Variants in CCDC24 observed in about 807,000 individuals in gnomAD.
CCDC24 encodes the protein coiled-coil domain containing 24, also known as coiled-coil domain-containing protein 24.
In CCDC24, 34 loss-of-function variants were observed where a neutral mutation model predicts 31.6. That is an observed-to-expected ratio of 1.08 (90% CI 0.82 to 1.43). The LOEUF (loss-of-function observed/expected upper bound fraction) is 1.43, where lower values mean the gene tolerates loss of function less well. Ranked by LOEUF, CCDC24 falls within the 40% of genes most tolerant of loss-of-function variation. The probability of loss-of-function intolerance (pLI) is 0.00; values close to 1 mark genes in which losing one functional copy is unlikely to be tolerated. For missense variants in CCDC24, 426 were observed against 391.1 expected, an observed-to-expected ratio of 1.09 and a Z score of -0.75; for synonymous variants, 175 against 157.3, an observed-to-expected ratio of 1.11 and a Z score of -0.84.
At chr1:43,994,985 G>C (rs2085808769) in intron 5 of CCDC24, 123 bp from the exon 6 acceptor site, 2 of 819,064 alleles carry the variant, frequency 2.4e-6, no homozygotes, top group Non-Finnish European at 4.0e-6. Flanking sequence ...AGGGCAGTGT[G>C]GGCTGAGGAA....
Position 43,996,027 on chromosome 1 carries a change from C to G in CCDC24, c.791C>G (p.Pro264Arg). 2 of 1,614,192 alleles carry G rather than the reference C, an allele frequency of 1.2e-6. No homozygotes were observed. Among genetic ancestry groups the G allele is most frequent in the Non-Finnish European group, 1.7e-6 (2 of 1,180,040 alleles). ...VAPLQCCLPAPPLEPYLRPRG... is the reference protein window; with the variant it reads ...VAPLQCCLPARPLEPYLRPRG... ...CCTCTCCAGTGCTGCCTGCCTGCAC[C>G]TCCTCTGGAGCCCTACCTTCGACCT... is the stretch of plus-strand genomic sequence containing the variant. The change falls in exon 9 of 9, where the codon CCT becomes CGT. Residue 264 changes from proline (P) to arginine (R), a missense_variant. Transcript: ENST00000372318.
intron 5 of CCDC24, chr1:43,994,753 A>G (rs2085801714): frequency 3.4e-6 from 1 of 290,220 alleles, no homozygotes; most frequent in Admixed American, 4.6e-5. Context: ...CCCTGTTTCA[A>G]AAATAAATAC....
chr1:43,992,655 G>T lies in CCDC24; in HGVS notation c.419+16G>T. On this transcript the variant is annotated intron_variant, in intron 4 of 8. Transcript: ENST00000372318. Reference sequence around the variant, plus strand: ...GTGGGCCCAGGTAAGGTGATGGTAGGAGAGAGGGATCTGTCCCTGCTTGGC... The same window carrying T: ...GTGGGCCCAGGTAAGGTGATGGTAGTAGAGAGGGATCTGTCCCTGCTTGGC... 1 of 1,611,578 alleles carries T rather than the reference G, an allele frequency of 6.2e-7. No homozygotes were observed. Among genetic ancestry groups the T allele is most frequent in the South Asian group, 1.1e-5 (1 of 91,002 alleles).
At position 43,994,079 on chromosome 1, in the gene CCDC24, G is replaced by A. The variant is rs1374852824; in HGVS notation, c.497+115G>A. ...TAGTATACTTGGCGGGGAGGCCCATGTGCGTAAGGCTGAGAGGTGGAAAGA... is the reference window on the plus strand; with the variant it reads ...TAGTATACTTGGCGGGGAGGCCCATATGCGTAAGGCTGAGAGGTGGAAAGA... On this transcript the variant is annotated intron_variant, in intron 5 of 8. Transcript: ENST00000372318. 4 of 917,852 alleles carry A rather than the reference G, an allele frequency of 4.4e-6. No individual in the cohort carries two copies. In the East Asian group the frequency reaches 7.8e-5, roughly 18 times the overall value. The allele number at this position is 917,852 out of a possible 1,614,324, so 56.9% of individuals were successfully genotyped here.
chr1:43,994,041 G>A lies in CCDC24; in HGVS notation c.497+77G>A, dbSNP rs375543310. 9 of 1,308,102 alleles carry A rather than the reference G, an allele frequency of 6.9e-6. No individual in the cohort carries two copies. In the East Asian group the frequency reaches 1.6e-4, roughly 24 times the overall value. The allele number at this position is 1,308,102 out of a possible 1,614,324, so 81.0% of individuals were successfully genotyped here. On this transcript the variant is annotated intron_variant, in intron 5 of 8. Transcript: ENST00000372318. ...GGATCTTGAGGTGCTGGGATTGTGA[G>A]ACAGGAGGTGGGTAGTATACTTGGC... is the stretch of plus-strand genomic sequence containing the variant.
At chr1:43,994,442 C>CTTTCT (rs560870706) in intron 5 of CCDC24, 1,883 of 143,006 alleles carry the variant, frequency 0.013, 27 homozygotes, top group African/African-American at 0.037. Flanking sequence ...TTCTTTCTTT[C>CTTTCT]TTTTTTTTTT....
rs1571814925 is a variant in CCDC24 at position 43,991,607 on chromosome 1, G to C, written c.-172G>C. 1.9e-5 allele frequency: 13 copies of C among 701,972 alleles called. No individual in the cohort carries two copies. The East Asian group carries it at 3.5e-4, about 19-fold the overall frequency. The allele number at this position is 701,972 out of a possible 1,614,324, so 43.5% of individuals were successfully genotyped here. ...GGTGATGGCCACGCGGAAGAGGTGG[G>C]GCTAGGGCCCTGGTTCCCACTGCCT... On this transcript the variant is annotated 5_prime_UTR_variant, in exon 1 of 9. Coordinates refer to ENST00000372318, the MANE Select transcript of CCDC24 (RefSeq NM_152499.4).
chr1:43,992,960 TC>T (rs1025250964), intron 4 of CCDC24, among the ~76,000 whole-genome samples: 11 of 152,314 alleles, frequency 7.2e-5, no homozygotes, highest in Admixed American at 6.5e-4. Flanking sequence ...AGGCGGTTGT[TC>T]CTCTGGCCTA....
In CCDC24 at chr1:43,992,265, C is replaced by T; in HGVS notation, c.180C>T (p.Ser60=). 1 of 1,614,154 alleles carries T rather than the reference C, an allele frequency of 6.2e-7. No homozygotes were observed. Among genetic ancestry groups the T allele is most frequent in the Middle Eastern group, 1.6e-4 (1 of 6,062 alleles). Residue 60 remains serine (S), a synonymous_variant, in exon 3 of 9, where the codon AGC becomes AGT. Transcript: ENST00000372318. Reference sequence around the variant, plus strand: ...AGGCTCGATCCTCTCAAGCCCCCAGCTCCCGCCCCATCTCTGACCCCTCTT... The same window carrying T: ...AGGCTCGATCCTCTCAAGCCCCCAGTTCCCGCCCCATCTCTGACCCCTCTT... ...LQEARSSQAP[S]SRPISDPSSL...
chr1:43,992,461 T>A, intron 3 of CCDC24, 62 bp from the exon 4 acceptor site: 2 of 1,612,764 alleles, frequency 1.2e-6, no homozygotes, highest in South Asian at 2.2e-5. Context: ...GGAGCCAGGG[T>A]TGCCTTTTCT....
intron 1 of CCDC24, 39 bp from the exon 2 acceptor site, chr1:43,991,808 G>T: frequency 6.5e-7 from 1 of 1,535,192 alleles, no homozygotes; most frequent in African/African-American, 1.4e-5. Context: ...TTGCCGGCGG[G>T]CCCGCGGTAC....
chr1:43,992,047 G>T, intron 2 of CCDC24, 43 bp downstream of exon 2: 1 of 1,434,596 alleles, frequency 7.0e-7, no homozygotes, highest in South Asian at 1.4e-5. Flanking sequence ...CCTGCCCCAC[G>T]ACTCGGGTGA....
Position 43,995,606 on chromosome 1 carries a change from C to A in CCDC24, c.558C>A (p.Cys186Ter). The change falls in exon 7 of 9, where the codon TGC (cysteine) becomes TGA (stop). Residue 186 changes from cysteine to a stop codon, truncating the protein, a stop_gained. Transcript: ENST00000372318. LOFTEE classifies it high-confidence loss of function. This position sits in a 1 kb window ranked among gnomAD's most constrained non-coding sequence, Gnocchi z 4.3. Reference sequence around the variant, plus strand: ...TGACGCAGCTCTCCCTGCAGCGCTGCCTGGAAGAGGAGTATTTGAGGCCTT... The same window carrying A: ...TGACGCAGCTCTCCCTGCAGCGCTGACTGGAAGAGGAGTATTTGAGGCCTT... ...LEREILILQR[C>*]LEEEYLRPCH... 6.2e-7 allele frequency: 1 copy of A among 1,608,768 alleles called. No homozygotes were observed.
At position 43,995,728 on chromosome 1, in the gene CCDC24, T is replaced by C. The variant is rs748952462; in HGVS notation, c.623-50T>C. 1.9e-6 allele frequency: 3 copies of C among 1,613,408 alleles called. No homozygotes were observed. Among genetic ancestry groups the C allele is most frequent in the Non-Finnish European group, 2.5e-6 (3 of 1,179,466 alleles). ...GCCTCCTGCTCCCACCCCACACTTG[T>C]ACACACCCTAGAAGAGCTGGGCACT... On this transcript the variant is annotated intron_variant, in intron 7 of 8. Coordinates refer to ENST00000372318, the MANE Select transcript of CCDC24 (RefSeq NM_152499.4). This position sits in a 1 kb window ranked among gnomAD's most constrained non-coding sequence, Gnocchi z 4.3.
Position 43,993,885 on chromosome 1 carries a change from A to T in CCDC24, c.420-2A>T, listed in dbSNP as rs898805321. 2 of 1,614,162 alleles carry T rather than the reference A, an allele frequency of 1.2e-6. No individual in the cohort carries two copies. Among genetic ancestry groups the T allele is most frequent in the Non-Finnish European group, 1.7e-6 (2 of 1,180,006 alleles). ...GGAGAGTGATAGTGACTTCATTGCCAGCAGCGGTCACAGAGATCTCAGCAT... is the reference window on the plus strand; with the variant it reads ...GGAGAGTGATAGTGACTTCATTGCCTGCAGCGGTCACAGAGATCTCAGCAT... On this transcript the variant is annotated splice_acceptor_variant, in intron 4 of 8. Coordinates refer to ENST00000372318, the MANE Select transcript of CCDC24 (RefSeq NM_152499.4). LOFTEE classifies it high-confidence loss of function.
rs746882249 is a variant in CCDC24, at chr1:43,995,974, A to AC, written c.743dup (p.Leu249AlafsTer122). 1.2e-6 allele frequency: 2 copies of AC among 1,613,814 alleles called. No homozygotes were observed. The highest frequency in any genetic ancestry group is 4.5e-5 in the East Asian group (2 of 44,846). The stretch of plus-strand genomic sequence containing the variant: ...TGGGGTCCTCCACACAGGGCCTCAG[A>AC]CCCCCGCTTCCCCTCTGCGGGGTTG... On this transcript the variant is annotated frameshift_variant, in exon 9 of 9. Coordinates refer to ENST00000372318, the MANE Select transcript of CCDC24 (RefSeq NM_152499.4). LOFTEE classifies it low-confidence loss of function (END_TRUNC). This position sits in a 1 kb window ranked among gnomAD's most constrained non-coding sequence, Gnocchi z 4.3.
rs756620709 is a variant in CCDC24 at position 43,992,527 on chromosome 1, C to T, written c.307C>T (p.Gln103Ter). Residue 103 changes from glutamine (Q) to a stop codon, truncating the protein, a stop_gained, in exon 4 of 9, where the codon CAG (glutamine) becomes TAG (stop). Transcript: ENST00000372318. LOFTEE classifies it high-confidence loss of function. ...CTTCCTGTGCACCTTCTGCAGGGAC[C>T]AGGCCCAAGCTTGGGTCCAGTATAG... ...RHKAICEGRD[Q>*]AQAWVQYSPR... 1 of 1,614,210 alleles carries T rather than the reference C, an allele frequency of 6.2e-7. No individual in the cohort carries two copies. The highest frequency in any genetic ancestry group is 8.5e-7 in the Non-Finnish European group (1 of 1,180,028).
chr1:43,991,835 T>C lies in CCDC24; in HGVS notation c.-32-12T>C. 1 of 1,544,912 alleles carries C rather than the reference T, an allele frequency of 6.5e-7. No homozygotes were observed. Among genetic ancestry groups the C allele is most frequent in the South Asian group, 1.2e-5 (1 of 83,810 alleles). ...CCGCGGTACCTCCCGCACTCTGACC[T>C]GCGGCCCGTAGGTCCGAGCCGGGGA... On this transcript the variant is annotated splice_polypyrimidine_tract_variant and intron_variant, in intron 1 of 8. Transcript: ENST00000372318.
At chr1:43,992,025 C>T in intron 2 of CCDC24, 21 bp downstream of exon 2, 1 of 1,486,786 alleles carries the variant, frequency 6.7e-7, no homozygotes, top group Non-Finnish European at 9.0e-7. Context: ...GGAAGGTGGG[C>T]CACGCCCCTG....
Sources: allele counts gnomAD v4.1 joint callset (sites outside exome capture counted in the v4.1 genomes callset), GRCh38; gene constraint gnomAD v4.1.1; non-coding constraint Gnocchi (gnomAD v3.1); transcripts MANE v1.5; gene names NCBI Gene and HGNC (gene_info 2026-07-23, HGNC 2026-07-21).